PHACTR1: variants seen among roughly 807,000 people sequenced by gnomAD.
PHACTR1 encodes RPEL repeat containing 1.
Under a neutral mutation model 69.2 loss-of-function variants are expected in PHACTR1, and 16 were observed. The observed-to-expected ratio is 0.23, with a 90% CI of 0.16 to 0.35. The LOEUF (loss-of-function observed/expected upper bound fraction) is 0.35, where lower values mean the gene tolerates loss of function less well. PHACTR1 is among the 10% of genes least tolerant of loss of function. PHACTR1 has a pLI of 1.00. For missense variants in PHACTR1, 510 were observed against 734.7 expected, an observed-to-expected ratio of 0.69 and a Z score of 3.54; for synonymous variants, 312 against 284.5, an observed-to-expected ratio of 1.10 and a Z score of -0.97.
At chr6:12,912,308 C>T (rs777475962) in intron 4 of PHACTR1, among the ~76,000 whole-genome samples, 12 of 152,116 alleles carry the variant, frequency 7.9e-5, no homozygotes, top group Admixed American at 2.6e-4. Flanking sequence ...CCCAAAACAG[C>T]ATTTAATCTC....
intron 4 of PHACTR1, among the ~76,000 whole-genome samples, chr6:12,829,037 C>A (rs779984392): frequency 6.6e-6 from 1 of 152,022 alleles, no homozygotes; most frequent in Admixed American, 6.6e-5. Context: ...ACATTATACA[C>A]GTGTATTGAA....
intron 5 of PHACTR1, among the ~76,000 whole-genome samples, chr6:13,071,251 A>C (rs1809480590): frequency 6.6e-6 from 1 of 151,936 alleles, no homozygotes. Context: ...ATATGGTAAA[A>C]CCCCATCTCT....
At chr6:13,207,984 T>C (rs2113887895) in intron 8 of PHACTR1, among the ~76,000 whole-genome samples, 1 of 152,136 alleles carries the variant, frequency 6.6e-6, no homozygotes, top group East Asian at 1.9e-4. Flanking sequence ...GTCTAGGAAT[T>C]CTGACTTGAT....
intron 5 of PHACTR1, among the ~76,000 whole-genome samples, chr6:13,133,943 C>T (rs1490476015): frequency 2.1e-4 from 32 of 151,486 alleles, no homozygotes; most frequent in African/African-American, 4.4e-4. Context: ...GCCTCTGCCC[C>T]GCCACCCCGT....
intron 10 of PHACTR1, among the ~76,000 whole-genome samples, chr6:13,255,182 G>A (rs1257567878): frequency 1.3e-5 from 2 of 152,204 alleles, no homozygotes; most frequent in Non-Finnish European, 2.9e-5. Flanking sequence ...AGGAGCAAGA[G>A]GCAGTGAGGG....
intron 4 of PHACTR1, among the ~76,000 whole-genome samples, chr6:12,999,209 G>C (rs147281686): frequency 5.1e-4 from 77 of 152,280 alleles, no homozygotes; most frequent in African/African-American, 1.7e-3. Flanking sequence ...CCTCTGTAAG[G>C]GTTGAAGAAT....
intron 4 of PHACTR1, among the ~76,000 whole-genome samples, chr6:12,794,828 G>A (rs1372089275): frequency 6.6e-6 from 1 of 152,156 alleles, no homozygotes; most frequent in Non-Finnish European, 1.5e-5. Flanking sequence ...GAGCAGCATA[G>A]GGATTAGAGA....
chr6:13,151,546 A>G (rs1284039571), intron 5 of PHACTR1, among the ~76,000 whole-genome samples: 1 of 152,242 alleles, frequency 6.6e-6, no homozygotes, highest in African/African-American at 2.4e-5. Context: ...TGTATGCCAC[A>G]ATGTGGGAAC....
chr6:12,888,425 C>A (rs1019166746), intron 4 of PHACTR1, among the ~76,000 whole-genome samples: 2 of 152,076 alleles, frequency 1.3e-5, no homozygotes, highest in Non-Finnish European at 2.9e-5. Context: ...TTTGTTATAG[C>A]AGCACAAATA....
chr6:13,279,017 T>C (rs1436396229), intron 12 of PHACTR1, among the ~76,000 whole-genome samples: 4 of 135,098 alleles, frequency 3.0e-5, no homozygotes, highest in Non-Finnish European at 6.2e-5. Context: ...GCTATGACCC[T>C]GGGAAAGTAT....
rs141774027 is a variant in PHACTR1 at position 13,206,874 on chromosome 6, C to A, written c.986+738C>A. Reference sequence around the variant, plus strand: ...CCTGAGTACACGGAGAAAACCCATGCAGTCGTGGGGAGAACGTGCAGACTC... The same window carrying A: ...CCTGAGTACACGGAGAAAACCCATGAAGTCGTGGGGAGAACGTGCAGACTC... On this transcript the variant is annotated intron_variant, in intron 8 of 14. Coordinates refer to ENST00000332995, the MANE Select transcript of PHACTR1 (RefSeq NM_030948.6). Among the ~76,000 whole-genome samples, 301 of 152,296 alleles carry A rather than the reference C, an allele frequency of 2.0e-3. 4 individuals are homozygous for A. In the East Asian group the frequency reaches 0.036, roughly 18 times the overall value.
chr6:13,085,914 T>G (rs1812195896), intron 5 of PHACTR1, among the ~76,000 whole-genome samples: 1 of 151,780 alleles, frequency 6.6e-6, no homozygotes, highest in Admixed American at 6.6e-5. Context: ...TCACCTTAAA[T>G]GTATACCTTA....
intron 3 of PHACTR1, among the ~76,000 whole-genome samples, chr6:12,728,773 A>G (rs2127568223): frequency 6.6e-6 from 1 of 152,316 alleles, no homozygotes; most frequent in Middle Eastern, 3.4e-3. Context: ...AAACATAAAT[A>G]GAAAAACTAA....
At chr6:13,158,941 C>T (rs1429455297) in intron 5 of PHACTR1, among the ~76,000 whole-genome samples, 1 of 152,210 alleles carries the variant, frequency 6.6e-6, no homozygotes, top group African/African-American at 2.4e-5. Context: ...TGATTTTCCC[C>T]TGAATATGTT....
intron 10 of PHACTR1, among the ~76,000 whole-genome samples, chr6:13,265,892 T>C (rs995564869): frequency 6.6e-6 from 1 of 152,118 alleles, no homozygotes. Flanking sequence ...CATTCTCTAC[T>C]CTCTCCATAC....
chr6:12,794,314 A>G (rs929788149), intron 4 of PHACTR1, among the ~76,000 whole-genome samples: 1 of 152,230 alleles, frequency 6.6e-6, no homozygotes, highest in African/African-American at 2.4e-5. Flanking sequence ...TGAAGTGTTA[A>G]GGGTATCCTT....
intron 8 of PHACTR1, chr6:13,214,273 T>C (rs1767346845): frequency 6.6e-6 from 1 of 152,000 alleles, no homozygotes; most frequent in Non-Finnish European, 1.5e-5. Flanking sequence ...CCACTCCTGC[T>C]TCCCCTGTTG....
At position 12,852,010 on chromosome 6, in the gene PHACTR1, T is replaced by C. The variant is rs564444591; in HGVS notation, c.250+102220T>C. Among the ~76,000 whole-genome samples, 13 of 152,222 alleles carry C rather than the reference T, an allele frequency of 8.5e-5. No individual in the cohort carries two copies. In the South Asian group the frequency reaches 1.7e-3, roughly 19 times the overall value. Reference sequence around the variant, plus strand: ...CCACCACACCCAGCTAACTTTTGTATTTTTAGTAGAGACAGGGTTTTGCCA... The same window carrying C: ...CCACCACACCCAGCTAACTTTTGTACTTTTAGTAGAGACAGGGTTTTGCCA... On this transcript the variant is annotated intron_variant, in intron 4 of 14. Transcript: ENST00000332995.
intron 4 of PHACTR1, among the ~76,000 whole-genome samples, chr6:12,966,154 TGA>T (rs1187155978): frequency 3.9e-5 from 6 of 152,030 alleles, no homozygotes; most frequent in Non-Finnish European, 5.9e-5. Flanking sequence ...CTGGAGGGCC[TGA>T]GAGTCAAGGT....
Sources: allele counts gnomAD v4.1 joint callset (sites outside exome capture counted in the v4.1 genomes callset), GRCh38; gene constraint gnomAD v4.1.1; transcripts MANE v1.5; gene names NCBI Gene and HGNC (gene_info 2026-07-23, HGNC 2026-07-21).